The following GRID2 variants were observed in gnomAD, a reference collection of about 807,000 sequenced individuals.
GRID2 encodes the protein glutamate receptor ionotropic, delta-2.
A neutral mutation model predicts 114.8 loss-of-function variants in GRID2; 33 were observed. The observed-to-expected ratio is 0.29, with a 90% confidence interval of 0.22 to 0.38. The LOEUF is 0.38. Ranked by LOEUF, GRID2 falls within the 10% of genes least tolerant of loss-of-function variation. The pLI, the probability that GRID2 is intolerant of heterozygous loss-of-function variation, is 1.00. For missense variants in GRID2, 1,184 were observed against 1,257.7 expected (o/e 0.94, Z 0.89); for synonymous variants, 505 against 449.9 (o/e 1.12, Z -1.55).
In GRID2 at chr4:93,468,837, G is replaced by T. The variant is rs993019018; in HGVS notation, c.1858+12863G>T. On this transcript the variant is annotated intron_variant, in intron 11 of 15. Coordinates refer to ENST00000282020, the MANE Select transcript of GRID2 (RefSeq NM_001510.4). ...AGAGCTATTCTATTTTCCACATCTG[G>T]CATATTTGAGGATTTAATATTTGTT... 5.3e-5 allele frequency among the ~76,000 whole-genome samples: 8 copies of T among 151,942 alleles called. No individual in the cohort carries two copies. The East Asian group carries it at 1.4e-3, about 26-fold the overall frequency.
chr4:92,314,095 TTTTTTCTTTTTC>T (rs989670615), intron 1 of GRID2, among the ~76,000 whole-genome samples: 1 of 152,102 alleles, frequency 6.6e-6, no homozygotes, highest in Non-Finnish European at 1.5e-5. Context: ...AAATCTGTTT[TTTTTTCTTTTTC>T]TTTTTCTTTT....
At chr4:92,541,604 ATG>A (rs1288970594) in intron 1 of GRID2, among the ~76,000 whole-genome samples, 8 of 152,104 alleles carry the variant, frequency 5.3e-5, no homozygotes, top group African/African-American at 1.7e-4. Flanking sequence ...ATGGGGATAC[ATG>A]ATTTGGTATG....
intron 13 of GRID2, among the ~76,000 whole-genome samples, chr4:93,553,625 T>C (rs1289791700): frequency 1.3e-5 from 2 of 152,212 alleles, no homozygotes; most frequent in African/African-American, 4.8e-5. Context: ...CATTAAATTA[T>C]CTCTAAGATA....
chr4:92,375,934 T>C (rs1462844087), intron 1 of GRID2, among the ~76,000 whole-genome samples: 2 of 152,176 alleles, frequency 1.3e-5, no homozygotes, highest in Non-Finnish European at 2.9e-5. Context: ...TGCTTACTGA[T>C]ATTTTTTTGA....
intron 1 of GRID2, among the ~76,000 whole-genome samples, chr4:92,412,543 A>G (rs1460947363): frequency 1.3e-5 from 2 of 152,088 alleles, no homozygotes; most frequent in African/African-American, 4.8e-5. Context: ...GTTTTCATTT[A>G]TCATGTAAAA....
intron 1 of GRID2, among the ~76,000 whole-genome samples, chr4:92,562,754 T>C (rs1727157552): frequency 6.6e-6 from 1 of 152,160 alleles, no homozygotes; most frequent in African/African-American, 2.4e-5. Context: ...TATTTATCTA[T>C]GATGCCTGCC....
intron 2 of GRID2, among the ~76,000 whole-genome samples, chr4:92,665,341 T>C (rs1476224277): frequency 1.3e-5 from 2 of 150,026 alleles, no homozygotes; most frequent in African/African-American, 2.4e-5. Context: ...CCCTGTTCAG[T>C]AGTTCAGCTG....
intron 2 of GRID2, among the ~76,000 whole-genome samples, chr4:92,830,915 A>G (rs1197627264): frequency 6.6e-6 from 1 of 152,188 alleles, no homozygotes; most frequent in Non-Finnish European, 1.5e-5. Context: ...CCCTTCTCTC[A>G]GACAGCCATT....
intron 2 of GRID2, among the ~76,000 whole-genome samples, chr4:92,794,864 A>C (rs1739773475): frequency 8.0e-6 from 1 of 125,158 alleles, no homozygotes; most frequent in African/African-American, 3.1e-5. Flanking sequence ...TCATTTAATA[A>C]ATAATTGTTT....
intron 13 of GRID2, among the ~76,000 whole-genome samples, chr4:93,544,462 TA>T: frequency 6.6e-6 from 1 of 152,198 alleles, no homozygotes; most frequent in East Asian, 1.9e-4. Flanking sequence ...AATTTAGCCA[TA>T]AATACTACCT....
chr4:93,075,183 C>T (rs894560795), intron 2 of GRID2, among the ~76,000 whole-genome samples: 6 of 152,018 alleles, frequency 3.9e-5, no homozygotes, highest in Admixed American at 3.9e-4. Flanking sequence ...CCCATATTAG[C>T]AGACTAAAAA....
intron 8 of GRID2, among the ~76,000 whole-genome samples, chr4:93,246,375 C>G (rs1022049148): frequency 6.6e-5 from 10 of 152,094 alleles, no homozygotes; most frequent in Admixed American, 6.5e-4. Flanking sequence ...ATCACGAGGT[C>G]AGGAGATCGA....
At chr4:93,657,042 G>A (rs1037405952) in intron 14 of GRID2, among the ~76,000 whole-genome samples, 12 of 151,668 alleles carry the variant, frequency 7.9e-5, no homozygotes, top group African/African-American at 2.9e-4. Flanking sequence ...GTTATCAGTT[G>A]GTATGTTCTG....
chr4:92,850,123 A>G (rs2149421360), intron 2 of GRID2, among the ~76,000 whole-genome samples: 1 of 151,460 alleles, frequency 6.6e-6, no homozygotes, highest in East Asian at 2.0e-4. Context: ...AACTATTAAA[A>G]GATCTACAAA....
chr4:92,545,209 TAA>T (rs67135568), intron 1 of GRID2, among the ~76,000 whole-genome samples: 10 of 148,346 alleles, frequency 6.7e-5, no homozygotes, highest in African/African-American at 2.2e-4. Context: ...CTAAAGAAAG[TAA>T]AAAAAAAAAT....
At chr4:92,924,605 G>A (rs72665215) in intron 2 of GRID2, among the ~76,000 whole-genome samples, 206 of 152,102 alleles carry the variant, frequency 1.4e-3, no homozygotes, top group Non-Finnish European at 2.4e-3. Context: ...TAGATAGATC[G>A]GTCCATGCCA....
intron 2 of GRID2, among the ~76,000 whole-genome samples, chr4:93,028,935 C>T (rs1268435241): frequency 6.6e-6 from 1 of 151,952 alleles, no homozygotes; most frequent in East Asian, 1.9e-4. Flanking sequence ...AATTTTCATG[C>T]ACATAAATAC....
chr4:93,482,452 C>A (rs1725963765), intron 11 of GRID2, among the ~76,000 whole-genome samples: 1 of 151,782 alleles, frequency 6.6e-6, no homozygotes, highest in Non-Finnish European at 1.5e-5. Context: ...AACCAAACAC[C>A]ACATGTTCTC....
intron 2 of GRID2, among the ~76,000 whole-genome samples, chr4:92,617,089 GAAACTATATAATATATAGTTTC>G (rs1320991465): frequency 1.3e-5 from 2 of 151,098 alleles, no homozygotes; most frequent in South Asian, 2.1e-4. Flanking sequence ...CTCGTTATTT[GAAACTATATAATATATAGTTTC>G]AAACTATATA....
Sources: gnomAD v4.1 joint callset for allele counts (sites outside exome capture counted in the v4.1 genomes callset) on GRCh38, gnomAD v4.1.1 for gene constraint, MANE v1.5 for transcripts, NCBI Gene and HGNC (gene_info 2026-07-23, HGNC 2026-07-21) for gene names.